Variants in FAM83F observed in about 807,000 individuals in gnomAD.
FAM83F encodes protein FAM83F.
In FAM83F, 45 loss-of-function variants were observed where a neutral mutation model predicts 42.9. That is an observed-to-expected ratio of 1.05 (90% CI 0.83 to 1.35). FAM83F has a LOEUF of 1.35. FAM83F is among the 40% of genes most tolerant of loss of function. The probability of loss-of-function intolerance (pLI) is 0.00; values close to 1 mark genes in which losing one functional copy is unlikely to be tolerated. For missense variants in FAM83F, 617 were observed against 695.9 expected (o/e 0.89, Z 1.28); for synonymous variants, 306 against 298.3 (o/e 1.03, Z -0.27).
Position 40,029,697 on chromosome 22 carries a change from C to A in FAM83F, c.*132C>A. The A allele has an allele frequency of 1.5e-6, 2 of 1,351,076 alleles. No homozygotes were observed. The highest frequency in any genetic ancestry group is 4.7e-5 in the Admixed American group (2 of 42,988). 83.7% of individuals were successfully genotyped at this position (1,351,076 alleles called of 1,614,324 possible). ...TGGCCTTCTGCCCTGCAGCCTCCGT[C>A]CTGGCCTCAGGGACGCTGGATCCCA... On this transcript the variant is annotated 3_prime_UTR_variant, in exon 5 of 5. Coordinates refer to ENST00000333407, the MANE Select transcript of FAM83F (RefSeq NM_138435.4).
At chr22:40,020,086 C>T in intron 3 of FAM83F, 78 bp downstream of exon 3, 1 of 1,531,644 alleles carries the variant, frequency 6.5e-7, no homozygotes, top group Non-Finnish European at 8.8e-7. Flanking sequence ...CAGACCGGAG[C>T]CTCCGTCATC....
At chr22:40,010,637 G>A (rs2067457835) in intron 1 of FAM83F, among the ~76,000 whole-genome samples, 1 of 152,214 alleles carries the variant, frequency 6.6e-6, no homozygotes, top group Admixed American at 6.5e-5. Context: ...AAGTAAGCTT[G>A]TGAACCTGAG....
Position 40,021,515 on chromosome 22 carries a change from C to T in FAM83F, c.1005C>T (p.His335=), listed in dbSNP as rs763947933. Residue 335 remains histidine (H), a synonymous_variant, in exon 4 of 5, where the codon CAC becomes CAT. Transcript: ENST00000333407. The surrounding 1 kb of genome is among the most constrained non-coding windows in gnomAD (Gnocchi z 8.7). Reference sequence around the variant, plus strand: ...ACGCCTTGGTGTCAGGCTGCCGCCACCCGCCTGGGGAGATGATGCGCTGGG... The same window carrying T: ...ACGCCTTGGTGTCAGGCTGCCGCCATCCGCCTGGGGAGATGATGCGCTGGG... ...PKYALVSGCR[H]PPGEMMRWAA... 5 of 1,576,886 alleles carry T rather than the reference C, an allele frequency of 3.2e-6. No individual in the cohort carries two copies. Among genetic ancestry groups the T allele is most frequent in the Non-Finnish European group, 3.5e-6 (4 of 1,155,880 alleles).
intron 4 of FAM83F, among the ~76,000 whole-genome samples, chr22:40,028,980 C>T (rs935375809): frequency 2.6e-5 from 4 of 152,094 alleles, no homozygotes; most frequent in African/African-American, 9.7e-5. Flanking sequence ...CGGTAGAATG[C>T]GGCAGCCCGG....
chr22:40,009,020 T>C (rs995101589), intron 1 of FAM83F, among the ~76,000 whole-genome samples: 2 of 152,142 alleles, frequency 1.3e-5, no homozygotes, highest in African/African-American at 4.8e-5. Context: ...CTGAGAGACT[T>C]AGGGCTTCAG....
chr22:40,011,345 C>T (rs969422250), intron 1 of FAM83F, among the ~76,000 whole-genome samples: 2 of 152,036 alleles, frequency 1.3e-5, no homozygotes, highest in Non-Finnish European at 2.9e-5. Flanking sequence ...CCACCATGCC[C>T]GGCTAATTTT....
At position 40,004,693 on chromosome 22, in the gene FAM83F, C is replaced by T. The variant is rs1392432538; in HGVS notation, c.489+9162C>T. On this transcript the variant is annotated intron_variant, in intron 1 of 4. Coordinates refer to ENST00000333407, the MANE Select transcript of FAM83F (RefSeq NM_138435.4). ...CCTCAAGTGATCCACCCTCTTCGAC[C>T]TTCTAAAGTGCTGGGATTACAGGCG... 2.6e-5 allele frequency among the ~76,000 whole-genome samples: 4 copies of T among 152,202 alleles called. No homozygotes were observed. In the East Asian group the frequency reaches 7.7e-4, roughly 29 times the overall value.
At chr22:40,014,262 G>T (rs986791982) in intron 1 of FAM83F, among the ~76,000 whole-genome samples, 1 of 150,614 alleles carries the variant, frequency 6.6e-6, no homozygotes, top group Admixed American at 6.7e-5. Context: ...TCTCTGTTAA[G>T]TAAAATGTTT....
intron 1 of FAM83F, among the ~76,000 whole-genome samples, chr22:39,999,795 T>A (rs2067389615): frequency 6.6e-6 from 1 of 152,222 alleles, no homozygotes; most frequent in African/African-American, 2.4e-5. Flanking sequence ...GGAAAAGGCC[T>A]GCCTGAATGG....
intron 1 of FAM83F, among the ~76,000 whole-genome samples, chr22:40,004,258 C>T (rs946911533): frequency 1.9e-5 from 2 of 105,810 alleles, no homozygotes; most frequent in African/African-American, 7.3e-5. Context: ...CAAATGCCAG[C>T]CCTTTTAGAA....
intron 4 of FAM83F, among the ~76,000 whole-genome samples, chr22:40,024,592 C>T (rs2067540566): frequency 6.6e-6 from 1 of 152,208 alleles, no homozygotes; most frequent in Non-Finnish European, 1.5e-5. Context: ...GCTCCCTGTA[C>T]CCAGGACACA....
At position 40,019,326 on chromosome 22, in the gene FAM83F, C is replaced by T. The variant is rs1436619507; in HGVS notation, c.648C>T (p.Phe216=). 1 of 1,613,748 alleles carries T rather than the reference C, an allele frequency of 6.2e-7. No individual in the cohort carries two copies. ...EMCQDLQLTD[F]RIRNIRVRSV... ...GTCAGGACCTGCAGCTCACTGACTT[C>T]CGGATTCGGGTAAGTTGCACCACTG... Residue 216 remains phenylalanine, a synonymous_variant, in exon 2 of 5, where the codon TTC becomes TTT. Coordinates refer to ENST00000333407, the MANE Select transcript of FAM83F (RefSeq NM_138435.4).
Position 40,021,430 on chromosome 22 carries a change from C to A in FAM83F, c.920C>A (p.Ala307Glu), listed in dbSNP as rs372810138. The A allele has an allele frequency of 3.1e-6, 5 of 1,613,378 alleles. No homozygotes were observed. The highest frequency in any genetic ancestry group is 2.7e-5 in the African/African-American group (2 of 74,926). The part of the protein sequence containing the change: ...EVDLYRQLSL[A>E]GRVGLHYSST... ...GACTTGTACCGGCAGCTGAGCCTGG[C>A]GGGCAGGGTTGGCCTCCATTACTCC... The change falls in exon 4 of 5, where the codon GCG becomes GAG. Residue 307 changes from alanine (A) to glutamate (E), a missense_variant. Transcript: ENST00000333407. The surrounding 1 kb of genome is among the most constrained non-coding windows in gnomAD (Gnocchi z 8.7).
chr22:39,998,933 A>G (rs1211377262), intron 1 of FAM83F: 2 of 152,196 alleles, frequency 1.3e-5, no homozygotes, highest in Non-Finnish European at 2.9e-5. Flanking sequence ...CAGCAAGACC[A>G]TGTGTAGACT....
chr22:40,005,825 T>C lies in FAM83F; in HGVS notation c.489+10294T>C, dbSNP rs57505067. ...AGGGAGGGAGCCCAGTGTTTTATGATGTCTAATTAGTGAGTCCAAGACAAT... is the reference window on the plus strand; with the variant it reads ...AGGGAGGGAGCCCAGTGTTTTATGACGTCTAATTAGTGAGTCCAAGACAAT... On this transcript the variant is annotated intron_variant, in intron 1 of 4. Coordinates refer to ENST00000333407, the MANE Select transcript of FAM83F (RefSeq NM_138435.4). 7.6e-3 allele frequency among the ~76,000 whole-genome samples: 1,160 copies of C among 152,230 alleles called. 18 individuals carry two copies. The highest frequency in any genetic ancestry group is 0.027 in the African/African-American group (1,109 of 41,528).
Position 40,030,251 on chromosome 22 carries a change from C to T in FAM83F, c.*686C>T, listed in dbSNP as rs2067578716. 1 of 152,086 alleles carries T rather than the reference C, an allele frequency of 6.6e-6. No homozygotes were observed. The highest frequency in any genetic ancestry group is 2.4e-5 in the African/African-American group (1 of 41,378). The allele number at this position is 152,086 out of a possible 1,614,324, so 9.4% of individuals were successfully genotyped here. A position where few individuals can be genotyped will look rare whatever the true frequency, so the allele number is the denominator to read the frequency against. On this transcript the variant is annotated 3_prime_UTR_variant, in exon 5 of 5. Transcript: ENST00000333407. ...AGCGCTCGCACTGAGGTCTCTTTTT[C>T]CCTGCCCAGTGCCGTCCTGGCAGTC...
At position 40,034,677 on chromosome 22, in the gene FAM83F, ATGAT is replaced by A. The variant is rs1035734032; in HGVS notation, c.*5116_*5119del. 3.4e-4 allele frequency: 52 copies of A among 152,356 alleles called. No individual in the cohort carries two copies. The highest frequency in any genetic ancestry group is 1.2e-3 in the African/African-American group (48 of 41,568). The allele number at this position is 152,356 out of a possible 1,614,324, so 9.4% of individuals were successfully genotyped here. A position where few individuals can be genotyped will look rare whatever the true frequency, so the allele number is the denominator to read the frequency against. On this transcript the variant is annotated 3_prime_UTR_variant, in exon 5 of 5. Transcript: ENST00000333407. ...TATATGCTTAATACCTATTTGTTAA[ATGAT>A]TGAAGACTTGACTGCCATTCAGTAC...
intron 4 of FAM83F, among the ~76,000 whole-genome samples, chr22:40,027,424 C>T (rs559477869): frequency 2.0e-4 from 31 of 152,300 alleles, no homozygotes; most frequent in Admixed American, 1.1e-3. Context: ...ATGCTTATGT[C>T]ACATGGCTCC....
rs894758839 is a variant in FAM83F at position 39,995,616 on chromosome 22, G to T, written c.489+85G>T. The T allele has an allele frequency of 6.9e-7, 1 of 1,442,688 alleles. No homozygotes were observed. The highest frequency in any genetic ancestry group is 9.1e-7 in the Non-Finnish European group (1 of 1,098,740). 89.4% of individuals were successfully genotyped at this position (1,442,688 alleles called of 1,614,324 possible). A position where few individuals can be genotyped will look rare whatever the true frequency, so the allele number is the denominator to read the frequency against. On this transcript the variant is annotated intron_variant, in intron 1 of 4. Coordinates refer to ENST00000333407, the MANE Select transcript of FAM83F (RefSeq NM_138435.4). The surrounding 1 kb of genome is among the most constrained non-coding windows in gnomAD (Gnocchi z 4.6). ...GCCCCACCTCCCAGGCAGGGCCCGG[G>T]GCAGGCCGCCCTGAGCACCCTCTGG...
Sources: allele counts gnomAD v4.1 joint callset (sites outside exome capture counted in the v4.1 genomes callset), GRCh38; gene constraint gnomAD v4.1.1; non-coding constraint Gnocchi (gnomAD v3.1); transcripts MANE v1.5; gene names NCBI Gene and HGNC (gene_info 2026-07-23, HGNC 2026-07-21).